ABCB1: variants seen among roughly 807,000 people sequenced by gnomAD.
ABCB1 encodes ATP binding cassette subfamily B member 1, also known as ATP-dependent translocase ABCB1.
A neutral mutation model predicts 142.0 loss-of-function variants in ABCB1; 69 were observed. The ratio of observed to expected loss-of-function variants is 0.49; its 90% confidence interval spans 0.40 to 0.59. ABCB1 has a LOEUF of 0.59. ABCB1 is among the 20% of genes least tolerant of loss of function. The pLI, the probability that ABCB1 is intolerant of heterozygous loss-of-function variation, is 0.00. For synonymous variants in ABCB1, 532 were observed against 539.2 expected (o/e 0.99, Z 0.18); for missense variants, 1,326 against 1,554.7 (o/e 0.85, Z 2.47).
intron 1 of ABCB1, among the ~76,000 whole-genome samples, chr7:87,673,369 T>C (rs755837876): frequency 8.5e-5 from 13 of 152,226 alleles, no homozygotes; most frequent in Non-Finnish European, 1.8e-4. Context: ...AATCACATAT[T>C]TTGTCTCTTT....
chr7:87,550,701 GA>G, intron 10 of ABCB1, 23 bp downstream of exon 10: 3 of 1,566,566 alleles, frequency 1.9e-6, no homozygotes, highest in Non-Finnish European at 2.6e-6. Context: ...TAGATAGGTG[GA>G]TAGATGGCCA....
intron 1 of ABCB1, among the ~76,000 whole-genome samples, chr7:87,666,583 T>C (rs1825274113): frequency 6.6e-6 from 1 of 152,164 alleles, no homozygotes; most frequent in Non-Finnish European, 1.5e-5. Flanking sequence ...TCCAGGATGG[T>C]ATTTCCTATG....
chr7:87,706,624 C>T (rs752219915), intron 1 of ABCB1, among the ~76,000 whole-genome samples: 11 of 152,142 alleles, frequency 7.2e-5, no homozygotes, highest in Non-Finnish European at 1.6e-4. Context: ...CGAGCTGAGC[C>T]GCACATCCAT....
intron 1 of ABCB1, among the ~76,000 whole-genome samples, chr7:87,677,591 G>GACCT (rs929677764): frequency 5.9e-5 from 9 of 152,076 alleles, no homozygotes; most frequent in African/African-American, 1.9e-4. Context: ...AAGTGCTGGA[G>GACCT]ACCTATATTG....
At chr7:87,608,994 T>G (rs1486578883) in intron 1 of ABCB1, among the ~76,000 whole-genome samples, 1 of 152,236 alleles carries the variant, frequency 6.6e-6, no homozygotes, top group African/African-American at 2.4e-5. Context: ...TTACTCTAAG[T>G]GCTTCGTATA....
chr7:87,557,999 A>T (rs966443741), intron 8 of ABCB1, among the ~76,000 whole-genome samples: 2 of 152,198 alleles, frequency 1.3e-5, no homozygotes, highest in African/African-American at 4.8e-5. Flanking sequence ...AGCAACACAC[A>T]GCAGAACTTG....
At chr7:87,529,608 G>C (rs777622952) in intron 21 of ABCB1, among the ~76,000 whole-genome samples, 2 of 152,190 alleles carry the variant, frequency 1.3e-5, no homozygotes, top group Non-Finnish European at 1.5e-5. Flanking sequence ...CTAACCTGTG[G>C]TTTGCATGAA....
At position 87,544,263 on chromosome 7, in the gene ABCB1, G is replaced by A. The variant is rs1816672374; in HGVS notation, c.2077C>T (p.Pro693Ser). ...STKEALDESI[P>S]PVSFWRIMKL... ...ATAATCCTCCAAAAGGAAACTGGAG[G>A]TATACTTTCATCCTAGAAAACACAA... The change falls in exon 17 of 28, where the codon CCT (proline) becomes TCT (serine). Residue 693 changes from proline (P) to serine (S), a missense_variant. Pro to Ser is a moderately conservative substitution (Grantham distance 74, BLOSUM62 -1). Coordinates refer to ENST00000622132, the MANE Select transcript of ABCB1 (RefSeq NM_001348946.2). 3 of 1,612,890 alleles carry A rather than the reference G, an allele frequency of 1.9e-6. No individual in the cohort carries two copies. The highest frequency in any genetic ancestry group is 2.2e-5 in the East Asian group (1 of 44,806).
chr7:87,542,661 T>TC (rs1207472739), intron 17 of ABCB1, among the ~76,000 whole-genome samples: 1 of 150,676 alleles, frequency 6.6e-6, no homozygotes, highest in Non-Finnish European at 1.5e-5. Flanking sequence ...CCATTTCCTT[T>TC]TTTTTTTTTT....
At chr7:87,595,663 T>C (rs1819171212) in intron 3 of ABCB1, 103 bp downstream of exon 3, 1 of 928,400 alleles carries the variant, frequency 1.1e-6, no homozygotes, top group Non-Finnish European at 1.8e-6. Context: ...TCCATTAACA[T>C]ACCCTATACG....
At chr7:87,524,671 C>T (rs1433873093) in intron 21 of ABCB1, among the ~76,000 whole-genome samples, 1 of 151,034 alleles carries the variant, frequency 6.6e-6, no homozygotes, top group African/African-American at 2.4e-5. Flanking sequence ...ACCAACATGG[C>T]ACATGTATAC....
At chr7:87,528,071 C>T (rs992756238) in intron 21 of ABCB1, among the ~76,000 whole-genome samples, 5 of 152,160 alleles carry the variant, frequency 3.3e-5, no homozygotes, top group Admixed American at 3.3e-4. Flanking sequence ...CATCAGATCT[C>T]ATGAGACTTA....
At position 87,687,339 on chromosome 7, in the gene ABCB1, C is replaced by A. The variant is rs1315963170; in HGVS notation, c.-331+25822G>T. Among the ~76,000 whole-genome samples, 4 of 152,216 alleles carry A rather than the reference C, an allele frequency of 2.6e-5. No individual in the cohort carries two copies. The South Asian group carries it at 8.3e-4, about 32-fold the overall frequency. On this transcript the variant is annotated intron_variant, in intron 1 of 28. Coordinates refer to the ABCB1 transcript ENST00000265724. ...GTATCTGAATGGTTAACACCCTCATCCATTTGAAAACTACTCCATGAGGTT... is the reference window on the plus strand; with the variant it reads ...GTATCTGAATGGTTAACACCCTCATACATTTGAAAACTACTCCATGAGGTT...
chr7:87,566,521 C>T (rs1563055598), intron 6 of ABCB1, among the ~76,000 whole-genome samples: 1 of 152,178 alleles, frequency 6.6e-6, no homozygotes, highest in East Asian at 1.9e-4. Flanking sequence ...TCTTGTTTTG[C>T]TCTACTGCAC....
Position 87,692,731 on chromosome 7 carries a change from G to A in ABCB1, c.-331+20430C>T, listed in dbSNP as rs144661527. Among the ~76,000 whole-genome samples, 8 of 152,266 alleles carry A rather than the reference G, an allele frequency of 5.3e-5. No individual in the cohort carries two copies. In the East Asian group the frequency reaches 7.7e-4, roughly 15 times the overall value. ...TGTGGTTTAAATATTAGGAATTAAT[G>A]TTATTTGCAATGAAAAGCATTCTAT... On this transcript the variant is annotated intron_variant, in intron 1 of 28. Transcript: ENST00000265724.
At chr7:87,542,824 G>T (rs28381929) in intron 17 of ABCB1, among the ~76,000 whole-genome samples, 1 of 152,088 alleles carries the variant, frequency 6.6e-6, no homozygotes, top group African/African-American at 2.4e-5. Flanking sequence ...CATTGCTGTT[G>T]TGTACTACTA....
chr7:87,643,146 A>T (rs1822620005), intron 1 of ABCB1, among the ~76,000 whole-genome samples: 1 of 152,204 alleles, frequency 6.6e-6, no homozygotes, highest in Non-Finnish European at 1.5e-5. Context: ...ACCTCAAGCC[A>T]TCCTGTGGCT....
Position 87,632,470 on chromosome 7 carries a change from T to A in ABCB1, c.-330-31392A>T, listed in dbSNP as rs192621191. Among the ~76,000 whole-genome samples the A allele has an allele frequency of 6.6e-5, 10 of 152,302 alleles. No individual in the cohort carries two copies. The East Asian group carries it at 1.7e-3, about 26-fold the overall frequency. ...CCTTATTTCATCAGATAAGTACTGT[T>A]TTTTCATATTTTTCACAGATTTTGG... On this transcript the variant is annotated intron_variant, in intron 1 of 28. Coordinates refer to the ABCB1 transcript ENST00000265724.
chr7:87,685,486 T>C (rs1191251119), intron 1 of ABCB1, among the ~76,000 whole-genome samples: 1 of 151,716 alleles, frequency 6.6e-6, no homozygotes, highest in African/African-American at 2.4e-5. Context: ...GTTCATACAC[T>C]GGACAAACTC....
Sources: allele counts gnomAD v4.1 joint callset (sites outside exome capture counted in the v4.1 genomes callset), GRCh38; gene constraint gnomAD v4.1.1; transcripts MANE v1.5; gene names NCBI Gene and HGNC (gene_info 2026-07-23, HGNC 2026-07-21).